MYO18B: variants seen among roughly 807,000 people sequenced by gnomAD.
MYO18B encodes unconventional myosin-XVIIIb.
MYO18B carries 204 observed loss-of-function variants against 273.0 expected under a neutral mutation model. That is an observed-to-expected ratio of 0.75 (90% CI 0.67 to 0.84). The LOEUF is 0.84. Ranked by LOEUF, MYO18B falls within the 40% of genes least tolerant of loss-of-function variation. The probability of loss-of-function intolerance (pLI) is 0.00; values close to 1 mark genes in which losing one functional copy is unlikely to be tolerated. For missense variants in MYO18B, 3,212 were observed against 3,287.6 expected (o/e 0.98, Z 0.56); for synonymous variants, 1,330 against 1,305.7 (o/e 1.02, Z -0.40).
intron 34 of MYO18B, among the ~76,000 whole-genome samples, chr22:25,935,732 G>A (rs545636716): frequency 1.3e-5 from 2 of 152,270 alleles, no homozygotes; most frequent in African/African-American, 4.8e-5. Flanking sequence ...GGTGAATAAG[G>A]CTGTGGTCAC....
chr22:25,882,213 A>G (rs1462940999), intron 25 of MYO18B, among the ~76,000 whole-genome samples: 1 of 126,202 alleles, frequency 7.9e-6, no homozygotes, highest in Non-Finnish European at 1.6e-5. Context: ...TGTTCGTCAA[A>G]TAATCCCAGT....
chr22:25,781,052 A>G (rs993279273), intron 9 of MYO18B, among the ~76,000 whole-genome samples: 1 of 152,202 alleles, frequency 6.6e-6, no homozygotes, highest in African/African-American at 2.4e-5. Context: ...CCTTCATGCC[A>G]AATAAGTCCC....
chr22:25,828,654 G>A (rs2089584317), intron 14 of MYO18B, 122 bp from the exon 15 acceptor site: 2 of 884,936 alleles, frequency 2.3e-6, no homozygotes, highest in Admixed American at 2.5e-5. Context: ...TAGCTTGCCT[G>A]AGGTCACACA....
At chr22:25,892,881 C>A (rs1169463803) in intron 27 of MYO18B, among the ~76,000 whole-genome samples, 1 of 152,106 alleles carries the variant, frequency 6.6e-6, no homozygotes, top group African/African-American at 2.4e-5. Flanking sequence ...CAGAGGGGCG[C>A]CAGTGTCAGT....
intron 39 of MYO18B, among the ~76,000 whole-genome samples, chr22:25,960,077 C>G (rs971246129): frequency 2.6e-5 from 4 of 152,210 alleles, no homozygotes; most frequent in Non-Finnish European, 5.9e-5. Flanking sequence ...ATACCCCCAG[C>G]TGACTCTCTG....
intron 40 of MYO18B, 76 bp downstream of exon 40, chr22:25,992,569 G>C: frequency 1.3e-6 from 2 of 1,586,410 alleles, no homozygotes; most frequent in South Asian, 2.3e-5. Context: ...CCCTTTAGCC[G>C]GGCTGGGGCC....
chr22:26,047,106 G>T, the MYO18B span, among the ~76,000 whole-genome samples: 2 of 150,990 alleles, frequency 1.3e-5, no homozygotes, highest in African/African-American at 4.9e-5. Context: ...CACTTCTGCC[G>T]CCTTCTATTA....
At chr22:26,054,184 A>G in the MYO18B span, among the ~76,000 whole-genome samples, 1 of 152,214 alleles carries the variant, frequency 6.6e-6, no homozygotes, top group African/African-American at 2.4e-5. Flanking sequence ...TCCCAGGACC[A>G]TGAATAAATC....
At chr22:26,040,754 C>T in the MYO18B span, among the ~76,000 whole-genome samples, 27 of 152,062 alleles carry the variant, frequency 1.8e-4, no homozygotes, top group Admixed American at 3.3e-4. Context: ...GCATGAGTGG[C>T]GGGTTTGAGC....
chr22:25,769,229 C>T lies in MYO18B; in HGVS notation c.1313C>T (p.Pro438Leu), dbSNP rs1486512838. The T allele has an allele frequency of 6.2e-7, 1 of 1,600,982 alleles. No homozygotes were observed. Among genetic ancestry groups the T allele is most frequent in the African/African-American group, 1.3e-5 (1 of 74,674 alleles). Residue 438 changes from proline to leucine, a missense_variant, in exon 4 of 44, where the codon CCA becomes CTA. By Grantham distance (98) the Pro-to-Leu change is moderately conservative. Transcript: ENST00000335473. ...GCAGCTCCTGGGAAGGGAGGCTGGC[C>T]AGGAAGCCGTGGGCAGGAAGCAGAG... Reference protein sequence around the residue: ...SPAAPGKGGWPGSRGQEAEEP... With the variant: ...SPAAPGKGGWLGSRGQEAEEP...
chr22:25,987,007 A>G (rs1038460634), intron 39 of MYO18B, among the ~76,000 whole-genome samples: 2 of 152,144 alleles, frequency 1.3e-5, no homozygotes, highest in African/African-American at 4.8e-5. Flanking sequence ...AACAAGATGA[A>G]TTTTCGTCAA....
At chr22:25,967,661 A>C (rs1296316142) in intron 39 of MYO18B, among the ~76,000 whole-genome samples, 1 of 152,186 alleles carries the variant, frequency 6.6e-6, no homozygotes, top group Non-Finnish European at 1.5e-5. Flanking sequence ...TGTCTAGGTT[A>C]TGGCTCTTTT....
chr22:25,963,739 C>T (rs1439548279), intron 39 of MYO18B, among the ~76,000 whole-genome samples: 1 of 151,616 alleles, frequency 6.6e-6, no homozygotes, highest in African/African-American at 2.4e-5. Context: ...TCAATTTCCT[C>T]ATCTGTAAAA....
chr22:25,857,089 C>T (rs2090594411), intron 21 of MYO18B, among the ~76,000 whole-genome samples: 1 of 152,188 alleles, frequency 6.6e-6, no homozygotes, highest in Non-Finnish European at 1.5e-5. Flanking sequence ...AGTTCCATTC[C>T]TGTCTCCCAG....
intron 35 of MYO18B, among the ~76,000 whole-genome samples, chr22:25,946,775 G>T (rs1309885400): frequency 6.6e-6 from 1 of 152,050 alleles, no homozygotes; most frequent in Non-Finnish European, 1.5e-5. Flanking sequence ...CCTTATTGTG[G>T]GGCTACTGCA....
In MYO18B at chr22:25,891,317, A is replaced by C; in HGVS notation, c.4448A>C (p.Gln1483Pro). The C allele has an allele frequency of 6.4e-7, 1 of 1,572,440 alleles. No homozygotes were observed. The change falls in exon 27 of 44, where the codon CAA (glutamine) becomes CCA (proline). Residue 1483 changes from glutamine to proline, a missense_variant. Transcript: ENST00000335473. ...EVQELKSKHE[Q>P]VQKKLGDVNK... is the part of the protein sequence containing the mutation. ...CCTTTCTTCTAGAGCAAGCATGAAC[A>C]AGTCCAGAAAAAACTGGGAGATGTG...
At chr22:25,990,948 C>T (rs919970125) in intron 39 of MYO18B, among the ~76,000 whole-genome samples, 3 of 152,076 alleles carry the variant, frequency 2.0e-5, no homozygotes, top group African/African-American at 7.2e-5. Flanking sequence ...ATCTATAACC[C>T]CGCTTTGCCC....
At chr22:25,772,928 G>A (rs7284895) in intron 7 of MYO18B, among the ~76,000 whole-genome samples, 2,169 of 152,268 alleles carry the variant, frequency 0.014, 55 homozygotes, top group African/African-American at 0.048. Context: ...CAGGTCTAGC[G>A]AGCAGAGTTG....
At chr22:25,987,638 T>C (rs1000770156) in intron 39 of MYO18B, among the ~76,000 whole-genome samples, 1 of 152,200 alleles carries the variant, frequency 6.6e-6, no homozygotes, top group East Asian at 1.9e-4. Context: ...ACACTGGTAA[T>C]ACAGATGATT....
Sources: gnomAD v4.1 joint callset for allele counts (sites outside exome capture counted in the v4.1 genomes callset) on GRCh38, gnomAD v4.1.1 for gene constraint, MANE v1.5 for transcripts, NCBI Gene and HGNC (gene_info 2026-07-23, HGNC 2026-07-21) for gene names.